The following DACH2 variants were observed in gnomAD, a reference collection of about 807,000 sequenced individuals.
DACH2 encodes the protein dachshund homolog 2.
Under a neutral mutation model 35.8 loss-of-function variants are expected in DACH2, and 17 were observed. The observed-to-expected ratio is 0.48, with a 90% CI of 0.33 to 0.71. DACH2 has a LOEUF of 0.71. Among genes scored for constraint, DACH2 ranks in the 30% least tolerant of loss-of-function variants. The probability of loss-of-function intolerance (pLI) is 0.02; values close to 1 mark genes in which losing one functional copy is unlikely to be tolerated. For missense variants in DACH2, 469 were observed against 472.7 expected (o/e 0.99, Z 0.07); for synonymous variants, 195 against 177.3 (o/e 1.10, Z -0.79).
intron 2 of DACH2, among the ~76,000 whole-genome samples, chrX:86,453,243 A>T (rs1569406288): frequency 8.9e-6 from 1 of 111,992 alleles, no homozygotes; most frequent in African/African-American, 3.2e-5. Context: ...TTATGTAATC[A>T]TATTTAGATT....
At chrX:86,770,665 G>A (rs916158765) in intron 7 of DACH2, among the ~76,000 whole-genome samples, 6 of 111,490 alleles carry the variant, frequency 5.4e-5, no homozygotes, top group South Asian at 3.7e-4. Context: ...TTATTTTTCC[G>A]GGGAAAATAT....
intron 3 of DACH2, among the ~76,000 whole-genome samples, chrX:86,526,500 A>T (rs1489863658): frequency 9.0e-6 from 1 of 111,575 alleles, no homozygotes; most frequent in African/African-American, 3.3e-5. Flanking sequence ...AATCTAGATC[A>T]TGTTTTGAAC....
Position 86,418,375 on chromosome X carries a change from T to A in DACH2, c.527+41513T>A, listed in dbSNP as rs373764351. ...AGCAGAAGTTCTCCATGAGAACCCTTTCCCTGCAGCAAACTTCTGCCTGGA... is the reference window on the plus strand; with the variant it reads ...AGCAGAAGTTCTCCATGAGAACCCTATCCCTGCAGCAAACTTCTGCCTGGA... On this transcript the variant is annotated intron_variant, in intron 2 of 11. Coordinates refer to ENST00000373125, the MANE Select transcript of DACH2 (RefSeq NM_053281.3). Among the ~76,000 whole-genome samples the A allele has an allele frequency of 2.6e-4, 29 of 112,346 alleles. No homozygotes were observed. The East Asian group carries it at 3.4e-3, about 13-fold the overall frequency.
intron 3 of DACH2, among the ~76,000 whole-genome samples, chrX:86,632,181 A>T (rs2148388843): frequency 9.0e-6 from 1 of 111,207 alleles, no homozygotes; most frequent in African/African-American, 3.3e-5. Context: ...AATCAAGATT[A>T]TGAATTTTGG....
intron 4 of DACH2, among the ~76,000 whole-genome samples, chrX:86,684,260 C>T (rs1904359807): frequency 8.9e-6 from 1 of 111,778 alleles, no homozygotes; most frequent in South Asian, 3.6e-4. Flanking sequence ...TTTTTGATAG[C>T]TGTAAGAATT....
chrX:86,428,446 C>G (rs1488206123), intron 2 of DACH2, among the ~76,000 whole-genome samples: 1 of 111,702 alleles, frequency 9.0e-6, no homozygotes, highest in African/African-American at 3.2e-5. Context: ...TTTACAAAAG[C>G]CACCATGCTA....
At chrX:86,742,528 T>C (rs2041667682) in intron 7 of DACH2, 1 of 161,850 alleles carries the variant, frequency 6.2e-6, no homozygotes, top group African/African-American at 3.1e-5. Context: ...AGTAGAAGCA[T>C]ATAAAACTTA....
intron 1 of DACH2, among the ~76,000 whole-genome samples, chrX:86,162,696 A>G (rs921248931): frequency 9.0e-6 from 1 of 111,422 alleles, no homozygotes; most frequent in East Asian, 2.8e-4. Context: ...TATTAAAGTA[A>G]TATTCATTTA....
chrX:86,192,716 G>A (rs893683435), intron 1 of DACH2, among the ~76,000 whole-genome samples: 5 of 112,257 alleles, frequency 4.5e-5, no homozygotes, highest in African/African-American at 1.6e-4. Context: ...TTGCCAGTAA[G>A]TAAATGATCT....
At chrX:86,650,806 A>C (rs2040469192) in intron 3 of DACH2, among the ~76,000 whole-genome samples, 1 of 111,233 alleles carries the variant, frequency 9.0e-6, no homozygotes, top group African/African-American at 3.3e-5. Flanking sequence ...TAACAAATTC[A>C]AGTTAATTTT....
At chrX:86,216,609 T>A in intron 1 of DACH2, among the ~76,000 whole-genome samples, 1 of 111,796 alleles carries the variant, frequency 8.9e-6, no homozygotes, top group Non-Finnish European at 1.9e-5. Flanking sequence ...AAATAAAAGT[T>A]TCATATTTGA....
At chrX:86,562,156 G>C (rs2039230616) in intron 3 of DACH2, among the ~76,000 whole-genome samples, 1 of 110,346 alleles carries the variant, frequency 9.1e-6, no homozygotes, top group African/African-American at 3.3e-5. Flanking sequence ...TTTCATGGGG[G>C]TGGCCAGGTA....
intron 2 of DACH2, among the ~76,000 whole-genome samples, chrX:86,426,957 A>C (rs2036903912): frequency 8.9e-6 from 1 of 112,506 alleles, no homozygotes; most frequent in Non-Finnish European, 1.9e-5. Context: ...TTCATTTAGA[A>C]AGTGCCTATC....
chrX:86,294,834 C>G lies in DACH2; in HGVS notation c.489-81990C>G, dbSNP rs1474161416. Among the ~76,000 whole-genome samples the G allele has an allele frequency of 4.6e-5, 5 of 108,840 alleles. No individual in the cohort carries two copies. The South Asian group carries it at 2.1e-3, about 45-fold the overall frequency. The allele number at this position is 108,840 out of a possible 115,157, so 94.5% of individuals were successfully genotyped here. A position where few individuals can be genotyped will look rare whatever the true frequency, so the allele number is the denominator to read the frequency against. ...CACTGCTCTCTTCAAAGCTGTCAGA[C>G]AGGGACATTTAAGTCTGCAGAGGTT... On this transcript the variant is annotated intron_variant, in intron 1 of 11. Coordinates refer to ENST00000373125, the MANE Select transcript of DACH2 (RefSeq NM_053281.3).
chrX:86,155,180 A>G (rs1427619381), intron 1 of DACH2, among the ~76,000 whole-genome samples: 1 of 110,822 alleles, frequency 9.0e-6, no homozygotes, highest in East Asian at 2.8e-4. Flanking sequence ...TTAAATCCTT[A>G]CTAATAAGCT....
chrX:86,219,254 A>C (rs1046554541), intron 1 of DACH2, among the ~76,000 whole-genome samples: 8 of 109,965 alleles, frequency 7.3e-5, no homozygotes, highest in Admixed American at 3.8e-4. Context: ...TTTTCCATGA[A>C]ATTTTTTTTT....
At chrX:86,764,930 G>A (rs1364381751) in intron 7 of DACH2, among the ~76,000 whole-genome samples, 1 of 111,832 alleles carries the variant, frequency 8.9e-6, no homozygotes, top group Non-Finnish European at 1.9e-5. Context: ...GTTCTTACTG[G>A]TAAGATTATA....
rs2040151168 is a variant in DACH2, at chrX:86,627,430, T to C, written c.641-23606T>C. On this transcript the variant is annotated intron_variant, in intron 3 of 11. Transcript: ENST00000373125. ...GTTGTTGGTTGTTTCAGGTAGCTTC[T>C]AGTACAATAACTATACATTCCGATA... Among the ~76,000 whole-genome samples the C allele has an allele frequency of 4.5e-5, 5 of 112,002 alleles. No homozygotes were observed. The South Asian group carries it at 1.9e-3, about 42-fold the overall frequency.
At chrX:86,827,755 T>C in intron 11 of DACH2, 2 of 1,166,148 alleles carry the variant, frequency 1.7e-6, no homozygotes, top group Non-Finnish European at 2.3e-6. Context: ...CTTATTGTTT[T>C]TTCTGTGCAG....
Sources: gnomAD v4.1 joint callset for allele counts (sites outside exome capture counted in the v4.1 genomes callset) on GRCh38, gnomAD v4.1.1 for gene constraint, MANE v1.5 for transcripts, NCBI Gene and HGNC (gene_info 2026-07-23, HGNC 2026-07-21) for gene names.